The following PTCH1 variants were observed in gnomAD, a reference collection of about 807,000 sequenced individuals.
PTCH1 encodes patched 1.
In PTCH1, 14 loss-of-function variants were observed where a neutral mutation model predicts 144.6. The observed-to-expected ratio is 0.10, with a 90% CI of 0.06 to 0.15. The LOEUF (loss-of-function observed/expected upper bound fraction) is 0.15. Among genes scored for constraint, PTCH1 ranks in the 10% least tolerant of loss-of-function variants. PTCH1 has a pLI of 1.00. For missense variants in PTCH1, 1,623 were observed against 1,948.3 expected, an observed-to-expected ratio of 0.83 and a Z score of 3.14; for synonymous variants, 833 against 793.6, an observed-to-expected ratio of 1.05 and a Z score of -0.83.
At chr9:95,448,927 G>T in intron 22 of PTCH1, 142 bp downstream of exon 22, 1 of 1,176,514 alleles carries the variant, frequency 8.5e-7, no homozygotes, top group Non-Finnish European at 1.2e-6. Flanking sequence ...TATTTCCTAT[G>T]ATTTGACCTA....
chr9:95,489,593 C>T (rs1588630341), intron 2 of PTCH1, among the ~76,000 whole-genome samples: 1 of 152,320 alleles, frequency 6.6e-6, no homozygotes, highest in East Asian at 1.9e-4. Flanking sequence ...CTTAAGTAAT[C>T]CTCCTGCCTT....
At chr9:95,462,350 G>GACT (rs1839563092) in intron 15 of PTCH1, among the ~76,000 whole-genome samples, 1 of 152,162 alleles carries the variant, frequency 6.6e-6, no homozygotes, top group South Asian at 2.1e-4. Context: ...TAACCGTTTC[G>GACT]TGCCACTCGG....
chr9:95,510,916 C>T (rs1240878461), upstream of PTCH1, among the ~76,000 whole-genome samples: 1 of 150,526 alleles, frequency 6.6e-6, no homozygotes. Context: ...GGTAGGGAGG[C>T]GGATGCGCCG....
At chr9:95,513,991 G>A (rs1329899792), upstream of PTCH1, 1 of 152,312 alleles carries the variant, frequency 6.6e-6, no homozygotes, top group Admixed American at 6.5e-5. Context: ...AGCTTACAGT[G>A]AGCTGGGGGT....
At chr9:95,457,208 GAGA>G (rs1324341951) in intron 18 of PTCH1, among the ~76,000 whole-genome samples, 1 of 140,062 alleles carries the variant, frequency 7.1e-6, no homozygotes, top group Admixed American at 7.3e-5. Flanking sequence ...CCAGATGGAA[GAGA>G]AGGAGAAAAA....
rs759000713 is a variant in PTCH1 at position 95,449,991 on chromosome 9, G to A, written c.3450-51C>T. The A allele has an allele frequency of 4.7e-5, 70 of 1,495,826 alleles. No individual in the cohort carries two copies. Among genetic ancestry groups the A allele is most frequent in the African/African-American group, 1.4e-4 (10 of 72,352 alleles). 92.7% of individuals were successfully genotyped at this position (1,495,826 alleles called of 1,614,324 possible). A position where few individuals can be genotyped will look rare whatever the true frequency, so the allele number is the denominator to read the frequency against. On this transcript the variant is annotated intron_variant, in intron 20 of 23. Transcript: ENST00000331920. This position sits in a 1 kb window ranked among gnomAD's most constrained non-coding sequence, Gnocchi z 5.3. ...CACGCGCTGTGACAGGGTGGATCGCGCCACCCTCCGTGTGCCCGACACAGC... is the reference window on the plus strand; with the variant it reads ...CACGCGCTGTGACAGGGTGGATCGCACCACCCTCCGTGTGCCCGACACAGC...
chr9:95,477,226 G>A (rs1414442069), intron 10 of PTCH1, among the ~76,000 whole-genome samples: 1 of 152,162 alleles, frequency 6.6e-6, no homozygotes, highest in Non-Finnish European at 1.5e-5. Context: ...GTGGGGCCTG[G>A]CAATCGGAGC....
rs786204094 is a variant in PTCH1 at position 95,447,057 on chromosome 9, C to T, written c.4199G>A (p.Gly1400Asp). ...CAGGCCGTGGTCAGTCTCAGGGTAGCCTGGGCAGAGTCCCCCTCGGGGGTT... is the reference window on the plus strand; with the variant it reads ...CAGGCCGTGGTCAGTCTCAGGGTAGTCTGGGCAGAGTCCCCCTCGGGGGTT... ...GRNPRGGLCP[G>D]YPETDHGLFE... Residue 1400 changes from glycine to aspartate, a missense_variant, in exon 23 of 24, where the codon GGC (glycine) becomes GAC (aspartate). Coordinates refer to ENST00000331920, the MANE Select transcript of PTCH1 (RefSeq NM_000264.5). 2.5e-6 allele frequency: 4 copies of T among 1,614,172 alleles called. No individual in the cohort carries two copies. The highest frequency in any genetic ancestry group is 1.6e-4 in the Middle Eastern group (1 of 6,062).
intron 2 of PTCH1, among the ~76,000 whole-genome samples, chr9:95,504,503 G>A (rs960526752): frequency 6.6e-6 from 1 of 152,178 alleles, no homozygotes; most frequent in African/African-American, 2.4e-5. Flanking sequence ...ATCCTCATCC[G>A]ATGGCAACAA....
chr9:95,487,364 C>T (rs989470396), intron 2 of PTCH1, among the ~76,000 whole-genome samples: 5 of 152,294 alleles, frequency 3.3e-5, no homozygotes, highest in South Asian at 4.2e-4. Flanking sequence ...GGGGCATTGC[C>T]GAGGGCCTTG....
Position 95,485,835 on chromosome 9 carries a change from T to C in PTCH1, c.434A>G (p.Gln145Arg), listed in dbSNP as rs1841926960. 3.7e-6 allele frequency: 6 copies of C among 1,614,222 alleles called. No individual in the cohort carries two copies. Among genetic ancestry groups the C allele is most frequent in the Non-Finnish European group, 3.4e-6 (4 of 1,180,046 alleles). ...RVSRELNYTRQKIGEEAMFNP... is the reference protein window; with the variant it reads ...RVSRELNYTRRKIGEEAMFNP... Reference sequence around the variant, plus strand: ...AAACATAGCCTCTTCTCCAATCTTCTGGCGAGTATAATTTAATTCACGACT... The same window carrying C: ...AAACATAGCCTCTTCTCCAATCTTCCGGCGAGTATAATTTAATTCACGACT... The change falls in exon 3 of 24, where the codon CAG becomes CGG. Residue 145 changes from glutamine (Q) to arginine (R), a missense_variant. Gln to Arg is a conservative substitution (Grantham distance 43, BLOSUM62 1). This residue lies in a region of PTCH1 where 245 missense variants were observed against 240.6 expected (regional missense o/e 1.02). Transcript: ENST00000331920.
chr9:95,443,857 ATATT>A lies in PTCH1; in HGVS notation c.*2532_*2535del, dbSNP rs1237106837. The A allele has an allele frequency of 6.6e-6, 1 of 152,646 alleles. No homozygotes were observed. Among genetic ancestry groups the A allele is most frequent in the Non-Finnish European group, 1.5e-5 (1 of 68,034 alleles). The allele number at this position is 152,646 out of a possible 1,614,324, so 9.5% of individuals were successfully genotyped here. ...AAATTGGCAATGAGACCCAGTTTGA[ATATT>A]TATTTCCTTTAAACTCCTTACCCTA... On this transcript the variant is annotated 3_prime_UTR_variant, in exon 24 of 24. Coordinates refer to ENST00000331920, the MANE Select transcript of PTCH1 (RefSeq NM_000264.5).
chr9:95,474,046 G>T, intron 12 of PTCH1: 1 of 490,060 alleles, frequency 2.0e-6, no homozygotes, highest in East Asian at 5.9e-5. Flanking sequence ...TTTTCTACAA[G>T]GCTACTCCTC....
At position 95,456,356 on chromosome 9, in the gene PTCH1, T is replaced by C. The variant is rs753833857; in HGVS notation, c.3226A>G (p.Ile1076Val). Residue 1076 changes from isoleucine to valine, a missense_variant, in exon 19 of 24, where the codon ATC (isoleucine) becomes GTC (valine). This residue lies in a region of PTCH1 where 504 missense variants were observed against 679.3 expected (regional missense o/e 0.74). Transcript: ENST00000331920. Reference protein sequence around the residue: ...ELFGMMGLIGIKLSAVPVVIL... With the variant: ...ELFGMMGLIGVKLSAVPVVIL... ...ACCACGGGCACGGCACTGAGCTTGA[T>C]TCCGATGAGGCCCATCATGCCGAAC... The C allele has an allele frequency of 6.2e-7, 1 of 1,614,084 alleles. No individual in the cohort carries two copies. Among genetic ancestry groups the C allele is most frequent in the South Asian group, 1.1e-5 (1 of 91,076 alleles).
intron 1 of PTCH1, among the ~76,000 whole-genome samples, chr9:95,516,177 G>A (rs377374675): frequency 4.0e-5 from 6 of 150,694 alleles, no homozygotes; most frequent in Admixed American, 2.0e-4. Flanking sequence ...TTCCTCAGCC[G>A]GGGCCCGCCG....
In PTCH1 at chr9:95,456,443, C is replaced by T. The variant is rs368052893; in HGVS notation, c.3169-30G>A. ...AGCAGGGCACACAGTGGTCAGTGGG[C>T]GGGCAGGTCACCCTCTGGGGCTGCC... On this transcript the variant is annotated intron_variant, in intron 18 of 23. Coordinates refer to ENST00000331920, the MANE Select transcript of PTCH1 (RefSeq NM_000264.5). 5.2e-5 allele frequency: 84 copies of T among 1,611,442 alleles called. No homozygotes were observed. In the African/African-American group the frequency reaches 6.5e-4, roughly 13 times the overall value.
In PTCH1 at chr9:95,453,485, T is replaced by A; in HGVS notation, c.3442A>T (p.Ile1148Phe). The part of the protein sequence containing the change: ...LMLAGSEFDF[I>F]VRYFFAVLAI... ...TTGCACACGCCTGCTTACCTGACAA[T>A]GAAGTCGAACTCAGATCCCGCCAGC... The change falls in exon 20 of 24, where the codon ATT (isoleucine) becomes TTT (phenylalanine). Residue 1148 changes from isoleucine to phenylalanine, a missense_variant. Ile to Phe is a conservative substitution (Grantham distance 21). This residue lies in a region of PTCH1 where 504 missense variants were observed against 679.3 expected (regional missense o/e 0.74). Coordinates refer to ENST00000331920, the MANE Select transcript of PTCH1 (RefSeq NM_000264.5). 6.2e-7 allele frequency: 1 copy of A among 1,614,096 alleles called. No homozygotes were observed. Among genetic ancestry groups the A allele is most frequent in the South Asian group, 1.1e-5 (1 of 91,082 alleles).
chr9:95,507,444 C>G, intron 1 of PTCH1: 1 of 985,294 alleles, frequency 1.0e-6, no homozygotes, highest in Non-Finnish European at 1.2e-6. Context: ...TTCAGCGAGC[C>G]TCGTAAACAC....
At position 95,506,498 on chromosome 9, in the gene PTCH1, G is replaced by A. The variant is rs1425771551; in HGVS notation, c.303C>T (p.Phe101=). The A allele has an allele frequency of 6.2e-7, 1 of 1,613,650 alleles. No individual in the cohort carries two copies. Among genetic ancestry groups the A allele is most frequent in the South Asian group, 1.1e-5 (1 of 91,018 alleles). The part of the protein sequence containing the change: ...GCYIQKNCGK[F]LVVGLLIFGA... ...CAAATATGAGGAGGCCCACAACCAA[G>A]AACTTGCCGCAGTTTTTTTGAATGT... Residue 101 remains phenylalanine (F), a synonymous_variant, in exon 2 of 24, where the codon TTC becomes TTT. Coordinates refer to ENST00000331920, the MANE Select transcript of PTCH1 (RefSeq NM_000264.5).
Sources: allele counts gnomAD v4.1 joint callset (sites outside exome capture counted in the v4.1 genomes callset), GRCh38; gene constraint gnomAD v4.1.1; regional missense constraint gnomAD v4.1.1; non-coding constraint Gnocchi (gnomAD v3.1); transcripts MANE v1.5; gene names NCBI Gene and HGNC (gene_info 2026-07-23, HGNC 2026-07-21).